SLC24A3: variants seen among roughly 807,000 people sequenced by gnomAD.
The protein encoded by SLC24A3 is solute carrier family 24 member 3.
A neutral mutation model predicts 75.8 loss-of-function variants in SLC24A3; 28 were observed. The ratio of observed to expected loss-of-function variants is 0.37; its 90% CI spans 0.27 to 0.51. The LOEUF is 0.51. Among genes scored for constraint, SLC24A3 ranks in the 20% least tolerant of loss-of-function variants. The pLI is 0.94. For synonymous variants in SLC24A3, 372 were observed against 334.1 expected (o/e 1.11, Z -1.24); for missense variants, 663 against 847.8 (o/e 0.78, Z 2.71).
At chr20:19,650,884 C>T (rs73283598) in intron 6 of SLC24A3, among the ~76,000 whole-genome samples, 4 of 152,084 alleles carry the variant, frequency 2.6e-5, no homozygotes, top group Non-Finnish European at 4.4e-5. Flanking sequence ...TCTTTCTGTA[C>T]GTTCAAAATT....
intron 2 of SLC24A3, among the ~76,000 whole-genome samples, chr20:19,341,502 C>T (rs1985272796): frequency 6.6e-6 from 1 of 152,174 alleles, no homozygotes; most frequent in Non-Finnish European, 1.5e-5. Flanking sequence ...TCACTTAAAG[C>T]CTGCGCTGTA....
chr20:19,449,418 CGAAGACACACAT>C (rs1987443815), intron 2 of SLC24A3, among the ~76,000 whole-genome samples: 1 of 152,124 alleles, frequency 6.6e-6, no homozygotes, highest in African/African-American at 2.4e-5. Context: ...GCTCTGGGGC[CGAAGACACACAT>C]TTCCAGGAAG....
chr20:19,374,492 G>A (rs536185679), intron 2 of SLC24A3, among the ~76,000 whole-genome samples: 2 of 152,306 alleles, frequency 1.3e-5, no homozygotes, highest in South Asian at 2.1e-4. Context: ...GGGAGACTAA[G>A]CCTGCACACC....
intron 14 of SLC24A3, among the ~76,000 whole-genome samples, chr20:19,698,127 T>C (rs1255152353): frequency 6.6e-6 from 1 of 152,006 alleles, no homozygotes; most frequent in African/African-American, 2.4e-5. Context: ...GCTACACATG[T>C]TTAAATAACC....
rs541570106 is a variant in SLC24A3 at position 19,337,162 on chromosome 20, C to T, written c.271+56075C>T. ...TCATACATATTAACAGTCCACACAT[C>T]GGCCGAGCGCAGTGGCTCACGCCTG... On this transcript the variant is annotated intron_variant, in intron 2 of 16. Transcript: ENST00000328041. Among the ~76,000 whole-genome samples, 7 of 152,278 alleles carry T rather than the reference C, an allele frequency of 4.6e-5. No homozygotes were observed. In the South Asian group the frequency reaches 6.2e-4, roughly 14 times the overall value.
At chr20:19,424,930 G>A (rs902738127) in intron 2 of SLC24A3, among the ~76,000 whole-genome samples, 4 of 152,106 alleles carry the variant, frequency 2.6e-5, no homozygotes, top group South Asian at 2.1e-4. Context: ...AACTTTATAG[G>A]TCTCCTGTTC....
intron 2 of SLC24A3, among the ~76,000 whole-genome samples, chr20:19,329,143 G>GAAGCAA: frequency 6.6e-6 from 1 of 152,132 alleles, no homozygotes; most frequent in East Asian, 1.9e-4. Context: ...GGAAGGATTG[G>GAAGCAA]AAGCAAAGCA....
intron 2 of SLC24A3, among the ~76,000 whole-genome samples, chr20:19,461,964 G>A (rs1436633395): frequency 6.6e-6 from 1 of 152,172 alleles, no homozygotes; most frequent in Admixed American, 6.5e-5. Context: ...GTTGGTCAAG[G>A]ATTTGAATTC....
chr20:19,592,703 A>C (rs2031394547), intron 6 of SLC24A3, among the ~76,000 whole-genome samples: 1 of 151,720 alleles, frequency 6.6e-6, no homozygotes, highest in Non-Finnish European at 1.5e-5. Context: ...CTTGAAACTC[A>C]CTTCCAAGGA....
At chr20:19,262,932 C>T (rs1021727753) in intron 1 of SLC24A3, among the ~76,000 whole-genome samples, 1 of 152,022 alleles carries the variant, frequency 6.6e-6, no homozygotes, top group African/African-American at 2.4e-5. Flanking sequence ...CTTTCACCAC[C>T]CACTCATCCT....
intron 2 of SLC24A3, among the ~76,000 whole-genome samples, chr20:19,492,083 C>A (rs944447544): frequency 6.6e-6 from 1 of 152,148 alleles, no homozygotes; most frequent in African/African-American, 2.4e-5. Flanking sequence ...TGGGCAGATA[C>A]CCAGGTTGTT....
intron 2 of SLC24A3, among the ~76,000 whole-genome samples, chr20:19,330,146 A>G (rs11907975): frequency 0.079 from 11,962 of 152,220 alleles, 1,504 homozygotes; most frequent in African/African-American, 0.27. Context: ...GGACGGAACC[A>G]TCTTAGTTGC....
At chr20:19,561,941 A>T (rs1360790541) in intron 3 of SLC24A3, among the ~76,000 whole-genome samples, 1 of 152,166 alleles carries the variant, frequency 6.6e-6, no homozygotes, top group Non-Finnish European at 1.5e-5. Context: ...AAGGGTAACC[A>T]GCTAGCAAAT....
At chr20:19,519,898 C>G (rs944504653) in intron 3 of SLC24A3, among the ~76,000 whole-genome samples, 1 of 152,174 alleles carries the variant, frequency 6.6e-6, no homozygotes, top group Non-Finnish European at 1.5e-5. Flanking sequence ...ATTTGGAATT[C>G]TTTCTCGAAG....
At chr20:19,462,818 C>T (rs1219137578) in intron 2 of SLC24A3, among the ~76,000 whole-genome samples, 2 of 152,194 alleles carry the variant, frequency 1.3e-5, no homozygotes, top group Non-Finnish European at 2.9e-5. Context: ...TAGACCCCAG[C>T]CCTGCCTTCC....
At chr20:19,442,899 T>A (rs902977267) in intron 2 of SLC24A3, among the ~76,000 whole-genome samples, 19 of 152,176 alleles carry the variant, frequency 1.2e-4, no homozygotes, top group African/African-American at 3.6e-4. Context: ...CTATGTTCAT[T>A]TTCTTTTGCA....
chr20:19,633,575 G>T (rs1189506924), intron 6 of SLC24A3, among the ~76,000 whole-genome samples: 2 of 150,104 alleles, frequency 1.3e-5, no homozygotes, highest in African/African-American at 4.9e-5. Flanking sequence ...CGTGAACCCG[G>T]GAGGCGGAGC....
At chr20:19,359,825 T>C (rs998596894) in intron 2 of SLC24A3, among the ~76,000 whole-genome samples, 3 of 152,100 alleles carry the variant, frequency 2.0e-5, no homozygotes, top group South Asian at 2.1e-4. Flanking sequence ...GAAACACCCA[T>C]AGGGAGTGTT....
At chr20:19,295,491 TG>T (rs543220433) in intron 2 of SLC24A3, among the ~76,000 whole-genome samples, 51 of 152,352 alleles carry the variant, frequency 3.3e-4, no homozygotes, top group Non-Finnish European at 6.6e-4. Context: ...GCTGTGGGTT[TG>T]TCATAAATGA....
Sources: allele counts gnomAD v4.1 joint callset (sites outside exome capture counted in the v4.1 genomes callset), GRCh38; gene constraint gnomAD v4.1.1; transcripts MANE v1.5; gene names NCBI Gene and HGNC (gene_info 2026-07-23, HGNC 2026-07-21).